CCDC38: variants seen among roughly 807,000 people sequenced by gnomAD.
CCDC38 encodes coiled-coil domain containing 38, also known as coiled-coil domain-containing protein 38.
CCDC38 carries 69 observed loss-of-function variants against 72.8 expected under a neutral mutation model. That is an observed-to-expected ratio of 0.95 (90% confidence interval 0.78 to 1.16). The LOEUF (loss-of-function observed/expected upper bound fraction) is 1.16. CCDC38 is among the 50% of genes most tolerant of loss of function. CCDC38 has a pLI of 0.00. For missense variants in CCDC38, 626 were observed against 638.9 expected (o/e 0.98, Z 0.22); for synonymous variants, 201 against 213.2 (o/e 0.94, Z 0.50).
At chr12:95,919,079 G>A (rs2080176221) in intron 2 of CCDC38, 103 bp from the exon 3 acceptor site, 1 of 717,818 alleles carries the variant, frequency 1.4e-6, no homozygotes, top group African/African-American at 1.8e-5. Context: ...TGGGATGCAG[G>A]GATCTCTGAG....
chr12:95,898,674 T>A lies in CCDC38; in HGVS notation c.427A>T (p.Arg143Trp). The A allele has an allele frequency of 6.2e-7, 1 of 1,614,212 alleles. No individual in the cohort carries two copies. The highest frequency in any genetic ancestry group is 8.5e-7 in the Non-Finnish European group (1 of 1,180,028). ...IKKFEKDIAM[R>W]ERQLKKAEKK... is the part of the protein sequence containing the mutation. Reference sequence around the variant, plus strand: ...TCTGCTTTTTTTAGTTGCCGTTCCCTCATTGCTATGTCTTTTTCAAACTTT... The same window carrying A: ...TCTGCTTTTTTTAGTTGCCGTTCCCACATTGCTATGTCTTTTTCAAACTTT... Residue 143 changes from arginine to tryptophan, a missense_variant, in exon 6 of 16, where the codon AGG (arginine) becomes TGG (tryptophan). Arg to Trp is a moderately radical substitution (Grantham distance 101). Coordinates refer to ENST00000344280, the MANE Select transcript of CCDC38 (RefSeq NM_182496.3).
intron 9 of CCDC38, among the ~76,000 whole-genome samples, chr12:95,890,022 C>G (rs564860184): frequency 6.6e-6 from 1 of 152,124 alleles, no homozygotes; most frequent in Non-Finnish European, 1.5e-5. Context: ...AGCGATCCTC[C>G]TACCTCAACC....
At chr12:95,906,318 G>A in intron 5 of CCDC38, 69 bp downstream of exon 5, 4 of 1,140,606 alleles carry the variant, frequency 3.5e-6, no homozygotes, top group Non-Finnish European at 5.2e-6. Context: ...AAAATGTCAA[G>A]GTAAATATTT....
At chr12:95,868,164 T>C (rs2079543492) in intron 15 of CCDC38, among the ~76,000 whole-genome samples, 1 of 152,214 alleles carries the variant, frequency 6.6e-6, no homozygotes, top group Admixed American at 6.5e-5. Context: ...CAGAGGTCTT[T>C]GTGTGTTGTT....
chr12:95,893,436 TCCCTCCC>T, intron 8 of CCDC38, among the ~76,000 whole-genome samples: 1 of 69,198 alleles, frequency 1.4e-5, no homozygotes, highest in East Asian at 5.0e-4. Context: ...CCTCCCTCCC[TCCCTCCC>T]TTCCTTCCTT....
intron 7 of CCDC38, 141 bp from the exon 8 acceptor site, chr12:95,895,287 T>C (rs897247094): frequency 3.7e-6 from 2 of 538,508 alleles, no homozygotes; most frequent in African/African-American, 2.0e-5. Context: ...GCCATAAAAA[T>C]ATGGGCTTCA....
chr12:95,937,861 A>G lies in CCDC38; in HGVS notation c.-14-1338T>C, dbSNP rs182523392. 2.4e-3 allele frequency among the ~76,000 whole-genome samples: 364 copies of G among 152,340 alleles called. 1 individual carries two copies. Among genetic ancestry groups the G allele is most frequent in the Middle Eastern group, 6.8e-3 (2 of 294 alleles). On this transcript the variant is annotated intron_variant, in intron 1 of 15. Coordinates refer to ENST00000344280, the MANE Select transcript of CCDC38 (RefSeq NM_182496.3). ...GTGGGGGACAGGGCAATTTTTAAAA[A>G]GACAAAAAAGAACAAAAACTATTGT...
intron 4 of CCDC38, among the ~76,000 whole-genome samples, chr12:95,908,085 C>G (rs975171297): frequency 2.6e-5 from 4 of 152,098 alleles, no homozygotes; most frequent in African/African-American, 9.7e-5. Flanking sequence ...GCTGCAATCT[C>G]GGCACTTTGG....
At chr12:95,888,823 A>G (rs1175026691) in intron 9 of CCDC38, among the ~76,000 whole-genome samples, 1 of 152,046 alleles carries the variant, frequency 6.6e-6, no homozygotes, top group Non-Finnish European at 1.5e-5. Context: ...GTCTATAACT[A>G]TATATCATTC....
At chr12:95,938,920 T>C (rs7979425) in intron 1 of CCDC38, among the ~76,000 whole-genome samples, 7,880 of 152,260 alleles carry the variant, frequency 0.052, 681 homozygotes, top group African/African-American at 0.18. Context: ...CAACTTCCAA[T>C]AGATGAAAAA....
intron 2 of CCDC38, among the ~76,000 whole-genome samples, chr12:95,928,453 A>G (rs1436458847): frequency 1.3e-5 from 2 of 152,100 alleles, no homozygotes; most frequent in Non-Finnish European, 2.9e-5. Flanking sequence ...AACTTTTTTC[A>G]AAGTTTTCAA....
At position 95,879,176 on chromosome 12, in the gene CCDC38, C is replaced by T. The variant is rs999051570; in HGVS notation, c.1142+468G>A. On this transcript the variant is annotated intron_variant, in intron 12 of 15. Transcript: ENST00000344280. The surrounding 1 kb of genome is among the most constrained non-coding windows in gnomAD (Gnocchi z 5.5). ...CCCTGACAGAAATCCTTTCTATATT[C>T]GCCCTGAGATATTGACAGGAACTTT... 1.7e-4 allele frequency among the ~76,000 whole-genome samples: 26 copies of T among 152,084 alleles called. No individual in the cohort carries two copies. The highest frequency in any genetic ancestry group is 5.8e-4 in the African/African-American group (24 of 41,404).
rs576675943 is a variant in CCDC38, at chr12:95,907,764, C to G, written c.305-1313G>C. ...GCAGAGGGTCTCCTCACTTCTCAGA[C>G]GAGGTGGCCAGGCAGAGACGCTCCT... On this transcript the variant is annotated intron_variant, in intron 4 of 15. Transcript: ENST00000344280. 6.7e-5 allele frequency among the ~76,000 whole-genome samples: 10 copies of G among 149,340 alleles called. No homozygotes were observed. In the East Asian group the frequency reaches 1.6e-3, roughly 24 times the overall value.
chr12:95,921,747 GAGATAGGA>G (rs60833861), intron 2 of CCDC38, among the ~76,000 whole-genome samples: 101,563 of 150,768 alleles, frequency 0.67, 35,041 homozygotes, highest in East Asian at 0.94. Flanking sequence ...CCTTAAATCA[GAGATAGGA>G]AGATAGGAAG....
intron 13 of CCDC38, among the ~76,000 whole-genome samples, chr12:95,877,364 A>G (rs1242863062): frequency 1.3e-5 from 2 of 152,200 alleles, no homozygotes; most frequent in Non-Finnish European, 2.9e-5. Flanking sequence ...TGGTCTGGCA[A>G]TAATTTCCAG....
chr12:95,889,033 C>CTTTTTTTTTTTTTTTT (rs63374760), intron 9 of CCDC38: 2 of 84,824 alleles, frequency 2.4e-5, no homozygotes, highest in African/African-American at 5.3e-5. Context: ...ATTGTCTCAG[C>CTTTTTTTTTTTTTTTT]TTTTTTTTTT....
At chr12:95,936,616 T>A in intron 1 of CCDC38, 93 bp from the exon 2 acceptor site, 1 of 943,992 alleles carries the variant, frequency 1.1e-6, no homozygotes, top group Non-Finnish European at 1.6e-6. Context: ...TTAACAGTCC[T>A]TATGGCTTTT....
chr12:95,869,783 C>A, intron 14 of CCDC38: 2 of 481,540 alleles, frequency 4.2e-6, no homozygotes, highest in Non-Finnish European at 7.2e-6. Flanking sequence ...GAAATTTCAT[C>A]ATTTTGGAAA....
chr12:95,936,569 T>A, intron 1 of CCDC38, 46 bp from the exon 2 acceptor site: 1 of 1,537,172 alleles, frequency 6.5e-7, no homozygotes, highest in South Asian at 1.1e-5. Context: ...TCTATGAACA[T>A]CATATAAAAG....
Sources: allele counts gnomAD v4.1 joint callset (sites outside exome capture counted in the v4.1 genomes callset), GRCh38; gene constraint gnomAD v4.1.1; non-coding constraint Gnocchi (gnomAD v3.1); transcripts MANE v1.5; gene names NCBI Gene and HGNC (gene_info 2026-07-23, HGNC 2026-07-21).